The following CACNA1A variants were observed in gnomAD, a reference collection of about 807,000 sequenced individuals.
The protein encoded by CACNA1A is voltage-dependent P/Q-type calcium channel subunit alpha-1A.
CACNA1A carries 57 observed loss-of-function variants against 262.4 expected under a neutral mutation model. The observed-to-expected ratio is 0.22, with a 90% CI of 0.18 to 0.27. The LOEUF is 0.27. CACNA1A is among the 10% of genes least tolerant of loss of function. The pLI is 1.00. For missense variants in CACNA1A, 2,526 were observed against 3,562.8 expected, an observed-to-expected ratio of 0.71 and a Z score of 7.41; for synonymous variants, 1,431 against 1,419.3, an observed-to-expected ratio of 1.01 and a Z score of -0.18.
At chr19:13,387,774 G>T (rs998162479) in intron 3 of CACNA1A, among the ~76,000 whole-genome samples, 5 of 152,166 alleles carry the variant, frequency 3.3e-5, no homozygotes, top group Non-Finnish European at 5.9e-5. Flanking sequence ...GAGGACAGGA[G>T]TTTGAGCCCA....
intron 1 of CACNA1A, among the ~76,000 whole-genome samples, chr19:13,498,019 C>T (rs1981896736): frequency 6.6e-6 from 1 of 151,844 alleles, no homozygotes; most frequent in Non-Finnish European, 1.5e-5. Context: ...ACTGCTTGTG[C>T]TGTTAATCAA....
At chr19:13,239,402 G>A (rs2055993746) in intron 31 of CACNA1A, among the ~76,000 whole-genome samples, 3 of 152,172 alleles carry the variant, frequency 2.0e-5, no homozygotes, top group African/African-American at 4.8e-5. Flanking sequence ...CCTTCAGCTC[G>A]CAGTGCAGGT....
intron 3 of CACNA1A, among the ~76,000 whole-genome samples, chr19:13,441,432 C>T (rs181774066): frequency 6.6e-6 from 1 of 151,994 alleles, no homozygotes; most frequent in Non-Finnish European, 1.5e-5. Context: ...TTTGAGAGGC[C>T]AAGGCGAGTG....
At chr19:13,486,071 C>T (rs1306154096) in intron 1 of CACNA1A, among the ~76,000 whole-genome samples, 3 of 152,194 alleles carry the variant, frequency 2.0e-5, no homozygotes, top group African/African-American at 7.2e-5. Context: ...CAAAACAACT[C>T]CTCTCACATG....
chr19:13,361,307 C>G (rs2059106833), intron 5 of CACNA1A, among the ~76,000 whole-genome samples: 3 of 152,144 alleles, frequency 2.0e-5, no homozygotes, highest in Admixed American at 2.0e-4. Context: ...AAGACAGCTT[C>G]CTGGGGAGGT....
At chr19:13,340,831 T>C (rs2058666324) in intron 6 of CACNA1A, among the ~76,000 whole-genome samples, 2 of 152,264 alleles carry the variant, frequency 1.3e-5, no homozygotes, top group East Asian at 1.9e-4. Flanking sequence ...GAATTGGAAA[T>C]AGGGTCTTTG....
At chr19:13,464,543 A>ATTGTTTTTTTTTTTTTTT (rs1170388497) in intron 1 of CACNA1A, among the ~76,000 whole-genome samples, 1 of 128,960 alleles carries the variant, frequency 7.8e-6, no homozygotes, top group Admixed American at 7.7e-5. Flanking sequence ...AACTTTTCCA[A>ATTGTTTTTTTTTTTTTTT]TTTTTTTTTT....
In CACNA1A at chr19:13,299,304, G is replaced by A. The variant is rs753583936; in HGVS notation, c.2329C>T (p.Arg777Trp). 1.2e-6 allele frequency: 2 copies of A among 1,601,916 alleles called. No homozygotes were observed. Among genetic ancestry groups the A allele is most frequent in the African/African-American group, 1.3e-5 (1 of 75,060 alleles). Reference protein sequence around the residue: ...QKPAKSVWEQRTSEMRKQNLL... With the variant: ...QKPAKSVWEQWTSEMRKQNLL... ...TTCTGCTTTCGCATCTCACTGGTCC[G>A]CTGCTCCCACACGGACTTGGCTGGC... Residue 777 changes from arginine (R) to tryptophan (W), a missense_variant, in exon 19 of 47, where the codon CGG becomes TGG. Transcript: ENST00000360228.
chr19:13,461,589 G>A (rs753534759), intron 1 of CACNA1A, among the ~76,000 whole-genome samples: 7 of 152,232 alleles, frequency 4.6e-5, no homozygotes, highest in Non-Finnish European at 7.3e-5. Context: ...CGAGGCAGAA[G>A]CCAAAGGTTT....
In CACNA1A at chr19:13,214,998, G is replaced by C. The variant is rs2054947892; in HGVS notation, c.5732-390C>G. ...AGTACTTGCCTCACCTGGTTGTTGT[G>C]TGTGTGTGTGTGTGTTTTTTTTTTT... On this transcript the variant is annotated intron_variant, in intron 38 of 46. Transcript: ENST00000360228. This position sits in a 1 kb window ranked among gnomAD's most constrained non-coding sequence, Gnocchi z 4.1. 6.1e-6 allele frequency: 1 copy of C among 164,728 alleles called. No individual in the cohort carries two copies. The highest frequency in any genetic ancestry group is 6.0e-5 in the Admixed American group (1 of 16,680). The allele number at this position is 164,728 out of a possible 1,614,324, so 10.2% of individuals were successfully genotyped here. A position where few individuals can be genotyped will look rare whatever the true frequency, so the allele number is the denominator to read the frequency against.
At position 13,338,158 on chromosome 19, in the gene CACNA1A, T is replaced by G. The variant is rs192238465; in HGVS notation, c.979-2249A>C. ...TGAACCCAGAAGGCGGAGCTTGCAG[T>G]GAGCGGAGATCACACCACTGCACTC... On this transcript the variant is annotated intron_variant, in intron 6 of 46. Coordinates refer to ENST00000360228, the MANE Select transcript of CACNA1A (RefSeq NM_001127222.2). Among the ~76,000 whole-genome samples the G allele has an allele frequency of 3.4e-3, 524 of 152,024 alleles. 1 individual carries two copies. The highest frequency in any genetic ancestry group is 0.012 in the African/African-American group (499 of 41,456).
chr19:13,218,228 T>TGC (rs1486266061), intron 38 of CACNA1A, among the ~76,000 whole-genome samples: 2 of 152,198 alleles, frequency 1.3e-5, no homozygotes, highest in Non-Finnish European at 2.9e-5. Flanking sequence ...GTAGCTGGGA[T>TGC]TACAGCCGCC....
intron 1 of CACNA1A, among the ~76,000 whole-genome samples, chr19:13,465,128 A>G (rs1165851664): frequency 1.3e-5 from 2 of 151,010 alleles, no homozygotes; most frequent in African/African-American, 4.9e-5. Context: ...ACATGGTTTC[A>G]CCATGTTGGC....
intron 20 of CACNA1A, among the ~76,000 whole-genome samples, chr19:13,285,952 A>ATTTTTTTTT (rs74181819): frequency 1.0e-5 from 1 of 95,808 alleles, no homozygotes; most frequent in Non-Finnish European, 2.0e-5. Flanking sequence ...GCAGTTCACC[A>ATTTTTTTTT]TTTTTTTTTT....
rs910742290 is a variant in CACNA1A, at chr19:13,308,125, G to T, written c.1908C>A (p.Gly636=). ...AATTCCTGTGAAGGACTTACTGGCC[G>T]CCGAAGAGTTGCATTCCCAAAAGGG... ...VFALLGMQLF[G]GQFNFDEGTP... is the part of the protein sequence containing the mutation. Residue 636 remains glycine, a synonymous_variant, in exon 14 of 47, where the codon GGC becomes GGA. Coordinates refer to ENST00000360228, the MANE Select transcript of CACNA1A (RefSeq NM_001127222.2). This position sits in a 1 kb window ranked among gnomAD's most constrained non-coding sequence, Gnocchi z 4.2. The T allele has an allele frequency of 2.5e-6, 4 of 1,613,794 alleles. No individual in the cohort carries two copies. Among genetic ancestry groups the T allele is most frequent in the Non-Finnish European group, 3.4e-6 (4 of 1,179,874 alleles).
At chr19:13,411,345 C>T (rs998494620) in intron 3 of CACNA1A, among the ~76,000 whole-genome samples, 2 of 152,120 alleles carry the variant, frequency 1.3e-5, no homozygotes, top group African/African-American at 2.4e-5. Flanking sequence ...ATAATCCCCA[C>T]GTGTCAAGGG....
intron 30 of CACNA1A, among the ~76,000 whole-genome samples, chr19:13,251,058 G>A (rs1403306268): frequency 6.6e-6 from 1 of 151,132 alleles, no homozygotes; most frequent in Non-Finnish European, 1.5e-5. Flanking sequence ...CTTGAACCCA[G>A]GAGGTGGAGG....
At chr19:13,373,623 C>A (rs2059359467) in intron 3 of CACNA1A, among the ~76,000 whole-genome samples, 1 of 152,230 alleles carries the variant, frequency 6.6e-6, no homozygotes, top group South Asian at 2.1e-4. Flanking sequence ...CCTTCTCCAA[C>A]CCTTCTGGGG....
chr19:13,503,403 A>T (rs1282891147), intron 1 of CACNA1A, among the ~76,000 whole-genome samples: 1 of 152,038 alleles, frequency 6.6e-6, no homozygotes, highest in Non-Finnish European at 1.5e-5. Context: ...ACTTGCCTGT[A>T]CATATATTAG....
Sources: allele counts gnomAD v4.1 joint callset (sites outside exome capture counted in the v4.1 genomes callset), GRCh38; gene constraint gnomAD v4.1.1; non-coding constraint Gnocchi (gnomAD v3.1); transcripts MANE v1.5; gene names NCBI Gene and HGNC (gene_info 2026-07-23, HGNC 2026-07-21).